The following RPL12 variants were observed in gnomAD, a reference collection of about 807,000 sequenced individuals.
RPL12 encodes large ribosomal subunit protein uL11.
Under a neutral mutation model 24.5 loss-of-function variants are expected in RPL12, and 10 were observed. That is an observed-to-expected ratio of 0.41 (90% CI 0.25 to 0.69). The LOEUF (loss-of-function observed/expected upper bound fraction) is 0.69, where lower values mean the gene tolerates loss of function less well. RPL12 is among the 30% of genes least tolerant of loss of function. The pLI is 0.33. For missense variants in RPL12, 137 were observed against 205.3 expected, an observed-to-expected ratio of 0.67 and a Z score of 2.03; for synonymous variants, 74 against 76.1, an observed-to-expected ratio of 0.97 and a Z score of 0.14.
rs577446495 is a variant in RPL12, at chr9:127,447,742, A to G, written c.493-16T>C. ...GTGCTTAACTCTGTGGGAAAGAAAA[A>G]AAAAATCAGTAAAAAGTTTAAAAGG... On this transcript the variant is annotated splice_polypyrimidine_tract_variant and intron_variant, in intron 6 of 6. Coordinates refer to ENST00000361436, the MANE Select transcript of RPL12 (RefSeq NM_000976.4). 6.2e-7 allele frequency: 1 copy of G among 1,613,520 alleles called. No homozygotes were observed. The highest frequency in any genetic ancestry group is 2.2e-5 in the East Asian group (1 of 44,888).
chr9:127,450,049 GA>G lies in RPL12; in HGVS notation c.112-342del, dbSNP rs576540111. On this transcript the variant is annotated intron_variant, in intron 2 of 6. Transcript: ENST00000361436. ...CCACCCACGTCCATCTTCCTGGATG[GA>G]GGTCTGATTATTTGCTACTCTGAAG... is the stretch of plus-strand genomic sequence containing the variant. 269 of 243,990 alleles carry G rather than the reference GA, an allele frequency of 1.1e-3. 2 individuals are homozygous for G. The Admixed American group carries it at 0.012, about 11-fold the overall frequency. 15.1% of individuals were successfully genotyped at this position (243,990 alleles called of 1,614,324 possible).
chr9:127,450,831 G>C lies in RPL12; in HGVS notation c.38-27C>G, dbSNP rs2247310. 873,700 of 1,510,584 alleles carry C rather than the reference G, an allele frequency of 0.58. 255,329 individuals are homozygous for C. The highest frequency in any genetic ancestry group is 0.64 in the Admixed American group (30,415 of 47,622). 93.6% of individuals were successfully genotyped at this position (1,510,584 alleles called of 1,614,324 possible). A position where few individuals can be genotyped will look rare whatever the true frequency, so the allele number is the denominator to read the frequency against. ...TGGGGGAAAAGAAGAGTTAGTGTCTGTGCAGAGGGAGCCCCGAGCCACAGC... is the reference window on the plus strand; with the variant it reads ...TGGGGGAAAAGAAGAGTTAGTGTCTCTGCAGAGGGAGCCCCGAGCCACAGC... On this transcript the variant is annotated intron_variant, in intron 1 of 6. Transcript: ENST00000361436.
At chr9:127,449,177 A>G in intron 4 of RPL12, 104 bp downstream of exon 4, 1 of 885,936 alleles carries the variant, frequency 1.1e-6, no homozygotes. Flanking sequence ...TCAACACCCA[A>G]TACCCATGTC....
intron 5 of RPL12, 45 bp from the exon 6 acceptor site, chr9:127,448,034 C>A (rs1280006552): frequency 6.4e-7 from 1 of 1,562,698 alleles, no homozygotes; most frequent in South Asian, 1.2e-5. Context: ...GGCTCAGTCC[C>A]TCACAATCTG....
chr9:127,451,164 CG>C, intron 1 of RPL12, 116 bp downstream of exon 1: 1 of 1,389,700 alleles, frequency 7.2e-7, no homozygotes, highest in Non-Finnish European at 9.8e-7. Flanking sequence ...GGCGCAACAC[CG>C]GGAAGGTCTC....
chr9:127,449,222 C>CA, intron 4 of RPL12, 59 bp downstream of exon 4: 2 of 1,406,230 alleles, frequency 1.4e-6, no homozygotes, highest in Admixed American at 1.8e-5. Context: ...AACACAGCCA[C>CA]ATATATCAAA....
At position 127,449,225 on chromosome 9, in the gene RPL12, A is replaced by G. The variant is rs140513650; in HGVS notation, c.292+56T>C. The stretch of plus-strand genomic sequence containing the variant: ...CCTTTAAGGGAAAACACAGCCACAT[A>G]TATCAAACATCTCACAAACCATTAC... On this transcript the variant is annotated intron_variant, in intron 4 of 6. Coordinates refer to ENST00000361436, the MANE Select transcript of RPL12 (RefSeq NM_000976.4). 1.6e-4 allele frequency: 234 copies of G among 1,431,376 alleles called. 1 individual carries two copies. Among genetic ancestry groups the G allele is most frequent in the Non-Finnish European group, 2.0e-4 (205 of 1,023,238 alleles). 88.7% of individuals were successfully genotyped at this position (1,431,376 alleles called of 1,614,324 possible). A position where few individuals can be genotyped will look rare whatever the true frequency, so the allele number is the denominator to read the frequency against.
At chr9:127,449,567 G>A in intron 3 of RPL12, 43 bp downstream of exon 3, 1 of 1,533,554 alleles carries the variant, frequency 6.5e-7, no homozygotes, top group East Asian at 2.3e-5. Flanking sequence ...GTTGCTACCT[G>A]TCCCCCCACC....
In RPL12 at chr9:127,451,381, C is replaced by T. The variant is rs992557100; in HGVS notation, c.-64G>A. On this transcript the variant is annotated 5_prime_UTR_variant, in exon 1 of 7. Coordinates refer to ENST00000361436, the MANE Select transcript of RPL12 (RefSeq NM_000976.4). ...ACGACCGAAGGAAGTTGCACCTTGG[C>T]CTCCTCCGAGCCGAAAGCCGAGAGG... 1.4e-5 allele frequency: 22 copies of T among 1,601,988 alleles called. No homozygotes were observed. The highest frequency in any genetic ancestry group is 1.4e-4 in the Admixed American group (8 of 59,252).
rs1834283593 is a variant in RPL12, at chr9:127,450,789, G to A, written c.53C>T (p.Thr18Ile). The A allele has an allele frequency of 1.3e-6, 2 of 1,575,566 alleles. No individual in the cohort carries two copies. The highest frequency in any genetic ancestry group is 1.2e-5 in the South Asian group (1 of 86,418). Residue 18 changes from threonine (T) to isoleucine (I), a missense_variant, in exon 2 of 7, where the codon ACC (threonine) becomes ATC (isoleucine). This residue lies in a region of RPL12 where 18 missense variants were observed against 27.1 expected (regional missense o/e 0.67). Coordinates refer to ENST00000361436, the MANE Select transcript of RPL12 (RefSeq NM_000976.4). ...NEIKVVYLRC[T>I]GGEVGATSAL... ...AGAAGTGGCACCGACTTCACCTCCG[G>A]TGCACCTCAGGTATACTGGGGGAAA...
intron 4 of RPL12, 52 bp downstream of exon 4, chr9:127,449,224 TATATC>T (rs1381375799): frequency 3.9e-5 from 55 of 1,419,234 alleles, no homozygotes; most frequent in Admixed American, 8.9e-5. Context: ...CACAGCCACA[TATATC>T]AAACATCTCA....
rs768761191 is a variant in RPL12 at position 127,451,303 on chromosome 9, G to A, written c.15C>T (p.Phe5=). The change falls in exon 1 of 7, where the codon TTC becomes TTT. Residue 5 remains phenylalanine (F), a synonymous_variant. Coordinates refer to ENST00000361436, the MANE Select transcript of RPL12 (RefSeq NM_000976.4). MPPK[F]DPNEIKVVYL... Reference sequence around the variant, plus strand: ...CACCGACTTTGATCTCGTTGGGGTCGAACTTCGGCGGCATGGTGGAGGCGG... The same window carrying A: ...CACCGACTTTGATCTCGTTGGGGTCAAACTTCGGCGGCATGGTGGAGGCGG... 6.8e-6 allele frequency: 11 copies of A among 1,612,898 alleles called. No individual in the cohort carries two copies. In the East Asian group the frequency reaches 2.2e-4, roughly 33 times the overall value.
rs1183706568 is a variant in RPL12 at position 127,448,270 on chromosome 9, A to G, written c.379+67T>C. ...TCTCACTGAGCACCCTTCAAGTAAG[A>G]AGAATGTTATCACTCAGTGAAAAAC... On this transcript the variant is annotated intron_variant, in intron 5 of 6. Coordinates refer to ENST00000361436, the MANE Select transcript of RPL12 (RefSeq NM_000976.4). 30 of 1,306,304 alleles carry G rather than the reference A, an allele frequency of 2.3e-5. No homozygotes were observed. In the South Asian group the frequency reaches 3.4e-4, roughly 15 times the overall value. 80.9% of individuals were successfully genotyped at this position (1,306,304 alleles called of 1,614,324 possible). A position where few individuals can be genotyped will look rare whatever the true frequency, so the allele number is the denominator to read the frequency against.
intron 4 of RPL12, 165 bp downstream of exon 4, chr9:127,449,092 TGGGATTACAGGTGTGAGCCACCCA>T (rs1316470652): frequency 1.9e-6 from 1 of 528,324 alleles, no homozygotes; most frequent in Non-Finnish European, 3.4e-6. Flanking sequence ...CTCCCAGTGC[TGGGATTACAGGTGTGAGCCACCCA>T]GCATACGTGG....
At position 127,450,527 on chromosome 9, in the gene RPL12, G is replaced by A. The variant is rs1046463678; in HGVS notation, c.111+204C>T. On this transcript the variant is annotated intron_variant, in intron 2 of 6. Coordinates refer to ENST00000361436, the MANE Select transcript of RPL12 (RefSeq NM_000976.4). ...CACTAAAGCAGCAGTGGAGACACAT[G>A]GAGCTAATTACAATTTAAAGGCACC... 36 of 535,006 alleles carry A rather than the reference G, an allele frequency of 6.7e-5. No homozygotes were observed. In the African/African-American group the frequency reaches 6.8e-4, roughly 10 times the overall value. The allele number at this position is 535,006 out of a possible 1,614,324, so 33.1% of individuals were successfully genotyped here. A position where few individuals can be genotyped will look rare whatever the true frequency, so the allele number is the denominator to read the frequency against.
chr9:127,448,916 C>A (rs566996986), intron 4 of RPL12, among the ~76,000 whole-genome samples: 116 of 151,942 alleles, frequency 7.6e-4, no homozygotes, highest in African/African-American at 2.7e-3. Context: ...GCTACAACCT[C>A]CACCTCCTGG....
At chr9:127,448,580 C>T (rs1345655367) in intron 4 of RPL12, 157 bp from the exon 5 acceptor site, 1 of 765,952 alleles carries the variant, frequency 1.3e-6, no homozygotes, top group Admixed American at 1.7e-5. Flanking sequence ...ACTATCAGCT[C>T]ACCACTGGAT....
At chr9:127,450,623 G>A (rs1158158560) in intron 2 of RPL12, 108 bp downstream of exon 2, 3 of 778,924 alleles carry the variant, frequency 3.9e-6, no homozygotes, top group Non-Finnish European at 6.1e-6. Context: ...CCTACTGAGG[G>A]TGACAGTCCA....
In RPL12 at chr9:127,450,780, T is replaced by G; in HGVS notation, c.62A>C (p.Glu21Ala). 1 of 1,580,618 alleles carries G rather than the reference T, an allele frequency of 6.3e-7. No homozygotes were observed. The highest frequency in any genetic ancestry group is 8.6e-7 in the Non-Finnish European group (1 of 1,164,816). ...GGCCAGGGCAGAAGTGGCACCGACT[T>G]CACCTCCGGTGCACCTCAGGTATAC... ...KVVYLRCTGG[E>A]VGATSALAPK... Residue 21 changes from glutamate to alanine, a missense_variant, in exon 2 of 7, where the codon GAA (glutamate) becomes GCA (alanine). Physicochemically the swap from Glu to Ala is moderately radical, Grantham distance 107. Around this residue, in one of 3 missense-constraint regions of RPL12, gnomAD observed 18 missense variants for 27.1 expected, o/e 0.67. Coordinates refer to ENST00000361436, the MANE Select transcript of RPL12 (RefSeq NM_000976.4).
Sources: allele counts gnomAD v4.1 joint callset (sites outside exome capture counted in the v4.1 genomes callset), GRCh38; gene constraint gnomAD v4.1.1; regional missense constraint gnomAD v4.1.1; transcripts MANE v1.5; gene names NCBI Gene and HGNC (gene_info 2026-07-23, HGNC 2026-07-21).